CUL3: variants seen among roughly 807,000 people sequenced by gnomAD.
The protein encoded by CUL3 is cullin 3.
In CUL3, 19 loss-of-function variants were observed where a neutral mutation model predicts 89.1. The ratio of observed to expected loss-of-function variants is 0.21; its 90% CI spans 0.15 to 0.31. The LOEUF is 0.31. CUL3 is among the 10% of genes least tolerant of loss of function. The pLI is 1.00. For synonymous variants in CUL3, 351 were observed against 308.4 expected, an observed-to-expected ratio of 1.14 and a Z score of -1.45; for missense variants, 469 against 942.3, an observed-to-expected ratio of 0.50 and a Z score of 6.58.
At chr2:224,523,399 A>AAC (rs1553526462) in intron 3 of CUL3, among the ~76,000 whole-genome samples, 3 of 150,764 alleles carry the variant, frequency 2.0e-5, no homozygotes, top group African/African-American at 7.3e-5. Flanking sequence ...AAAAAAAAAA[A>AAC]CACAAAACAC....
intron 6 of CUL3, among the ~76,000 whole-genome samples, chr2:224,510,551 G>A (rs1034274273): frequency 2.0e-5 from 3 of 151,970 alleles, no homozygotes; most frequent in Admixed American, 2.0e-4. Context: ...AAAAGAAGTG[G>A]ATAAAATATT....
chr2:224,526,547 C>T (rs150400478), intron 3 of CUL3, among the ~76,000 whole-genome samples: 1,357 of 134,564 alleles, frequency 0.01, 19 homozygotes, highest in African/African-American at 0.038. Context: ...GATTGCACCA[C>T]TGCACTCCAG....
intron 6 of CUL3, among the ~76,000 whole-genome samples, chr2:224,509,135 T>C (rs546072009): frequency 1.3e-5 from 2 of 152,276 alleles, no homozygotes; most frequent in East Asian, 1.9e-4. Context: ...AAGAGCAACA[T>C]TTTTTCCAAG....
rs1460781438 is a variant in CUL3, at chr2:224,497,995, G to A, written c.1611-146C>T. 6.3e-6 allele frequency: 4 copies of A among 636,580 alleles called. No homozygotes were observed. The East Asian group carries it at 1.1e-4, about 18-fold the overall frequency. The allele number at this position is 636,580 out of a possible 1,614,324, so 39.4% of individuals were successfully genotyped here. The stretch of plus-strand genomic sequence containing the variant: ...ACTTAAAGGAAACTTTAGGAATCAA[G>A]TTCAGTTTCAACTTTCTATAGGCAA... On this transcript the variant is annotated intron_variant, in intron 11 of 15. Coordinates refer to ENST00000264414, the MANE Select transcript of CUL3 (RefSeq NM_003590.5).
At position 224,535,222 on chromosome 2, in the gene CUL3, T is replaced by C. The variant is rs538243597; in HGVS notation, c.378+306A>G. Among the ~76,000 whole-genome samples, 5 of 152,310 alleles carry C rather than the reference T, an allele frequency of 3.3e-5. No homozygotes were observed. The East Asian group carries it at 9.7e-4, about 29-fold the overall frequency. Reference sequence around the variant, plus strand: ...TTCTTTTTGAGACGGAGTTTCACTCTGTTGCCCAAGTGAGAGTGCAGTGGC... The same window carrying C: ...TTCTTTTTGAGACGGAGTTTCACTCCGTTGCCCAAGTGAGAGTGCAGTGGC... On this transcript the variant is annotated intron_variant, in intron 3 of 15. Coordinates refer to ENST00000264414, the MANE Select transcript of CUL3 (RefSeq NM_003590.5).
At chr2:224,527,837 G>A (rs1389536536) in intron 3 of CUL3, among the ~76,000 whole-genome samples, 1 of 152,124 alleles carries the variant, frequency 6.6e-6, no homozygotes, top group African/African-American at 2.4e-5. Flanking sequence ...CAGACCCACA[G>A]CAACCATTTC....
In CUL3 at chr2:224,481,267, A is replaced by G. The variant is rs528040009; in HGVS notation, c.2029+625T>C. Among the ~76,000 whole-genome samples the G allele has an allele frequency of 1.8e-3, 281 of 152,154 alleles. 1 individual carries two copies. Among genetic ancestry groups the G allele is most frequent in the South Asian group, 3.3e-3 (16 of 4,830 alleles). On this transcript the variant is annotated intron_variant, in intron 14 of 15. Transcript: ENST00000264414. Reference sequence around the variant, plus strand: ...TACTAGTTTTTAAGCCAAGTAGTAAACAATTAGTTTTAAACATCAATCAGC... The same window carrying G: ...TACTAGTTTTTAAGCCAAGTAGTAAGCAATTAGTTTTAAACATCAATCAGC...
chr2:224,566,412 G>T (rs901136479), intron 1 of CUL3, among the ~76,000 whole-genome samples: 1 of 152,340 alleles, frequency 6.6e-6, no homozygotes. Context: ...CACTTGCACA[G>T]AACAGCAGAG....
At chr2:224,498,533 G>A (rs957285846) in intron 11 of CUL3, among the ~76,000 whole-genome samples, 11 of 152,122 alleles carry the variant, frequency 7.2e-5, no homozygotes, top group Non-Finnish European at 1.5e-4. Context: ...TTTGGGGAGG[G>A]AAAAAACCCA....
rs553392707 is a variant in CUL3, at chr2:224,574,656, G to A, written c.66+10288C>T. Among the ~76,000 whole-genome samples, 29 of 152,220 alleles carry A rather than the reference G, an allele frequency of 1.9e-4. No homozygotes were observed. The South Asian group carries it at 3.7e-3, about 20-fold the overall frequency. ...GACACCCTCCAGGCTCCCTGTAAAC[G>A]TTTGAAAATAACTGCCCTACATGAA... is the stretch of plus-strand genomic sequence containing the variant. On this transcript the variant is annotated intron_variant, in intron 1 of 15. Transcript: ENST00000264414.
intron 2 of CUL3, among the ~76,000 whole-genome samples, chr2:224,540,409 A>T (rs1306811941): frequency 5.3e-5 from 8 of 152,152 alleles, no homozygotes; most frequent in Non-Finnish European, 2.9e-5. Flanking sequence ...ATATTTAAAA[A>T]AAAAAGGGAG....
intron 13 of CUL3, among the ~76,000 whole-genome samples, chr2:224,488,018 A>G (rs1025554547): frequency 1.6e-4 from 24 of 152,330 alleles, no homozygotes; most frequent in African/African-American, 5.8e-4. Flanking sequence ...AACACAATGA[A>G]GGCAGAAATA....
At chr2:224,536,177 G>C (rs999374298) in intron 2 of CUL3, among the ~76,000 whole-genome samples, 11 of 152,090 alleles carry the variant, frequency 7.2e-5, no homozygotes, top group Non-Finnish European at 1.0e-4. Context: ...CTGAATTAAC[G>C]CTAGCAATAC....
chr2:224,530,165 G>C (rs1693639005), intron 3 of CUL3, among the ~76,000 whole-genome samples: 1 of 152,174 alleles, frequency 6.6e-6, no homozygotes, highest in Non-Finnish European at 1.5e-5. Flanking sequence ...CGTGAACCCG[G>C]AAGGCAGAGC....
At chr2:224,507,776 T>TCC (rs1392411180) in intron 6 of CUL3, among the ~76,000 whole-genome samples, 2 of 152,182 alleles carry the variant, frequency 1.3e-5, no homozygotes, top group African/African-American at 4.8e-5. Flanking sequence ...AATACAGTTT[T>TCC]CCCATATGTC....
intron 1 of CUL3, among the ~76,000 whole-genome samples, chr2:224,575,069 C>G (rs1283181655): frequency 6.6e-6 from 1 of 151,994 alleles, no homozygotes; most frequent in Non-Finnish European, 1.5e-5. Context: ...GGGAAGGAGT[C>G]GAGAATGAAT....
At position 224,585,077 on chromosome 2, in the gene CUL3, G is replaced by A. The variant is rs2106331504; in HGVS notation, c.-68C>T. ...GCGACGCCGGTGTCACATTTAAGGC[G>A]GGCAGGCAGGCTAGGGGCGACGCTG... On this transcript the variant is annotated 5_prime_UTR_variant, in exon 1 of 16. Transcript: ENST00000264414. 5 of 1,331,554 alleles carry A rather than the reference G, an allele frequency of 3.8e-6. No individual in the cohort carries two copies. Among genetic ancestry groups the A allele is most frequent in the Admixed American group, 2.3e-5 (1 of 43,286 alleles). 82.5% of individuals were successfully genotyped at this position (1,331,554 alleles called of 1,614,324 possible).
rs941055464 is a variant in CUL3, at chr2:224,470,239, C to T, written c.*4006G>A. On this transcript the variant is annotated 3_prime_UTR_variant, in exon 16 of 16. Coordinates refer to ENST00000264414, the MANE Select transcript of CUL3 (RefSeq NM_003590.5). ...AGTTGAACTGTCCTGTTATTAAAAT[C>T]TTGAAATTTGACAATTTCATTGTTA... 3 of 215,532 alleles carry T rather than the reference C, an allele frequency of 1.4e-5. No individual in the cohort carries two copies. The highest frequency in any genetic ancestry group is 1.9e-5 in the Non-Finnish European group (2 of 107,334). The allele number at this position is 215,532 out of a possible 1,614,324, so 13.4% of individuals were successfully genotyped here.
intron 2 of CUL3, among the ~76,000 whole-genome samples, chr2:224,543,649 A>G (rs996725478): frequency 7.2e-5 from 11 of 152,190 alleles, no homozygotes; most frequent in African/African-American, 7.2e-5. Flanking sequence ...AGATGCTCCA[A>G]TGAGCATTTC....
Sources: allele counts gnomAD v4.1 joint callset (sites outside exome capture counted in the v4.1 genomes callset), GRCh38; gene constraint gnomAD v4.1.1; transcripts MANE v1.5; gene names NCBI Gene and HGNC (gene_info 2026-07-23, HGNC 2026-07-21).